Variants in PKHD1 observed in about 807,000 individuals in gnomAD.
The protein encoded by PKHD1 is fibrocystin.
In PKHD1, 291 loss-of-function variants were observed where a neutral mutation model predicts 412.0. That is an observed-to-expected ratio of 0.71 (90% CI 0.64 to 0.78). The LOEUF is 0.78. Ranked by LOEUF, PKHD1 falls within the 30% of genes least tolerant of loss-of-function variation. The pLI, the probability that PKHD1 is intolerant of heterozygous loss-of-function variation, is 0.00. For missense variants in PKHD1, 4,825 were observed against 4,950.7 expected (o/e 0.97, Z 0.76); for synonymous variants, 1,777 against 1,821.5 (o/e 0.98, Z 0.62).
intron 15 of PKHD1, 138 bp from the exon 16 acceptor site, chr6:52,058,739 T>G: frequency 1.3e-6 from 1 of 784,716 alleles, no homozygotes. Context: ...CCCAGTTACC[T>G]CAGCCCTGTG....
In PKHD1 at chr6:52,050,174, G is replaced by A. The variant is rs200754084; in HGVS notation, c.2262C>T (p.Leu754=). 1 of 1,614,160 alleles carries A rather than the reference G, an allele frequency of 6.2e-7. No homozygotes were observed. The highest frequency in any genetic ancestry group is 8.5e-7 in the Non-Finnish European group (1 of 1,180,022). The change falls in exon 22 of 67, where the codon CTC becomes CTT. Residue 754 remains leucine, a synonymous_variant. Coordinates refer to ENST00000371117, the MANE Select transcript of PKHD1 (RefSeq NM_138694.4). ...CTCCTTACCGTGCAGTGATGAGCGG[G>A]AGCTCCGTGCCACACCCCGCCAGCC... is the stretch of plus-strand genomic sequence containing the variant. ...TSWLAGCGTE[L]PLITARSVPT... is the part of the protein sequence containing the mutation.
chr6:51,990,767 A>G (rs2128069508), intron 35 of PKHD1, among the ~76,000 whole-genome samples: 1 of 151,300 alleles, frequency 6.6e-6, no homozygotes, highest in South Asian at 2.1e-4. Flanking sequence ...ACCATTCACT[A>G]GCTTTTTTTT....
intron 24 of PKHD1, 102 bp downstream of exon 24, chr6:52,045,902 A>T: frequency 3.6e-6 from 3 of 828,254 alleles, no homozygotes; most frequent in South Asian, 1.5e-5. Context: ...CAACAAAATT[A>T]ATAATTCATG....
chr6:51,706,334 A>G (rs1780014056), intron 60 of PKHD1, among the ~76,000 whole-genome samples: 1 of 152,146 alleles, frequency 6.6e-6, no homozygotes, highest in East Asian at 1.9e-4. Context: ...CCCTTTATGC[A>G]TGTAAGAAAC....
At chr6:51,701,162 T>G (rs1779359106) in intron 60 of PKHD1, among the ~76,000 whole-genome samples, 1 of 152,148 alleles carries the variant, frequency 6.6e-6, no homozygotes, top group Non-Finnish European at 1.5e-5. Context: ...TAACTCTGGG[T>G]TGTATTTTAT....
At chr6:51,967,943 T>G (rs1042626327) in intron 35 of PKHD1, among the ~76,000 whole-genome samples, 1 of 152,152 alleles carries the variant, frequency 6.6e-6, no homozygotes, top group Non-Finnish European at 1.5e-5. Context: ...TTTCGGTGAT[T>G]GAATACACAG....
chr6:51,884,582 ATT>A (rs886908399), intron 45 of PKHD1, among the ~76,000 whole-genome samples: 2 of 152,122 alleles, frequency 1.3e-5, no homozygotes, highest in African/African-American at 4.8e-5. Flanking sequence ...TTCCAAGAAT[ATT>A]TTTATTATTT....
intron 36 of PKHD1, among the ~76,000 whole-genome samples, chr6:51,938,213 C>T (rs1434669791): frequency 6.6e-6 from 1 of 152,166 alleles, no homozygotes; most frequent in Non-Finnish European, 1.5e-5. Context: ...CCAAATACTC[C>T]AATAGATAAC....
intron 27 of PKHD1, among the ~76,000 whole-genome samples, chr6:52,039,928 T>C (rs748522616): frequency 6.6e-6 from 1 of 152,150 alleles, no homozygotes; most frequent in Non-Finnish European, 1.5e-5. Flanking sequence ...AGTCATAAAA[T>C]TGAATAAAGT....
At chr6:51,699,393 G>A (rs12663351) in intron 60 of PKHD1, among the ~76,000 whole-genome samples, 7,217 of 152,166 alleles carry the variant, frequency 0.047, 298 homozygotes, top group East Asian at 0.17. Flanking sequence ...AATCATCCAA[G>A]TTGTTGCATG....
At chr6:51,776,230 G>A (rs1050934144) in intron 53 of PKHD1, among the ~76,000 whole-genome samples, 3 of 152,136 alleles carry the variant, frequency 2.0e-5, no homozygotes, top group African/African-American at 7.2e-5. Flanking sequence ...TTGTGTGAAA[G>A]TGGTAGGAAT....
At chr6:52,075,351 C>T (rs769161060) in intron 6 of PKHD1, among the ~76,000 whole-genome samples, 1 of 152,146 alleles carries the variant, frequency 6.6e-6, no homozygotes, top group Non-Finnish European at 1.5e-5. Context: ...CAACAAGATC[C>T]GTCTATGCAT....
chr6:51,760,935 A>G (rs969985226), intron 55 of PKHD1, among the ~76,000 whole-genome samples: 1 of 152,084 alleles, frequency 6.6e-6, no homozygotes, highest in South Asian at 2.1e-4. Flanking sequence ...AAAGATAACA[A>G]AGGTTAGTGA....
intron 35 of PKHD1, among the ~76,000 whole-genome samples, chr6:51,962,036 TGGA>T (rs1792119895): frequency 1.3e-5 from 2 of 152,096 alleles, no homozygotes; most frequent in Admixed American, 1.3e-4. Context: ...GAGCAAGGGC[TGGA>T]GGAGAAGGAG....
chr6:51,775,000 TATG>T (rs144036026), intron 54 of PKHD1, among the ~76,000 whole-genome samples: 5,720 of 151,662 alleles, frequency 0.038, 160 homozygotes, highest in Non-Finnish European at 0.063. Context: ...ATAGCTTAAA[TATG>T]ATAACATATT....
intron 52 of PKHD1, among the ~76,000 whole-genome samples, chr6:51,792,049 T>C (rs933913177): frequency 2.0e-5 from 3 of 152,194 alleles, no homozygotes; most frequent in Non-Finnish European, 4.4e-5. Flanking sequence ...TGTTGTCCCT[T>C]AGCTTCCCAT....
At chr6:51,883,867 C>CA (rs1166032003) in intron 45 of PKHD1, among the ~76,000 whole-genome samples, 2 of 151,948 alleles carry the variant, frequency 1.3e-5, no homozygotes, top group East Asian at 1.9e-4. Flanking sequence ...GTGCTGATTA[C>CA]AAAAAAAACT....
chr6:51,670,042 T>G (rs1774636645), intron 60 of PKHD1, among the ~76,000 whole-genome samples: 1 of 149,086 alleles, frequency 6.7e-6, no homozygotes, highest in South Asian at 2.2e-4. Context: ...GGGTGGAGAG[T>G]TCTGTAGATG....
chr6:51,821,204 T>C (rs1766362741), intron 52 of PKHD1, among the ~76,000 whole-genome samples: 1 of 152,226 alleles, frequency 6.6e-6, no homozygotes, highest in Non-Finnish European at 1.5e-5. Flanking sequence ...TGCATTTTAA[T>C]CAGGGGAAAT....
Sources: gnomAD v4.1 joint callset for allele counts (sites outside exome capture counted in the v4.1 genomes callset) on GRCh38, gnomAD v4.1.1 for gene constraint, MANE v1.5 for transcripts, NCBI Gene and HGNC (gene_info 2026-07-23, HGNC 2026-07-21) for gene names.